FUT8: variants seen among roughly 807,000 people sequenced by gnomAD.
FUT8 encodes the protein fucosyltransferase 8, also known as alpha-(1,6)-fucosyltransferase.
FUT8 carries 29 observed loss-of-function variants against 71.3 expected under a neutral mutation model. The ratio of observed to expected loss-of-function variants is 0.41; its 90% CI spans 0.30 to 0.55. The LOEUF is 0.55. Ranked by LOEUF, FUT8 falls within the 20% of genes least tolerant of loss-of-function variation. FUT8 has a pLI of 0.34. For synonymous variants in FUT8, 254 were observed against 239.3 expected (o/e 1.06, Z -0.57); for missense variants, 544 against 702.1 (o/e 0.77, Z 2.55).
intron 6 of FUT8, among the ~76,000 whole-genome samples, chr14:65,647,343 A>G (rs1891167473): frequency 6.6e-6 from 1 of 152,200 alleles, no homozygotes; most frequent in South Asian, 2.1e-4. Context: ...CACTTTCTGT[A>G]TGCTTAGTAT....
chr14:65,522,694 G>A (rs1883164226), intron 2 of FUT8, among the ~76,000 whole-genome samples: 2 of 151,806 alleles, frequency 1.3e-5, no homozygotes, highest in Admixed American at 6.6e-5. Flanking sequence ...TTTATATTAG[G>A]TGTATCTCCT....
chr14:65,568,396 A>G lies in FUT8; in HGVS notation c.203+6630A>G, dbSNP rs539382285. ...TTATTGTATATCTGTTTTCTATTTTATTTTCTTTTATGTCCTGGAAAGCCT... is the reference window on the plus strand; with the variant it reads ...TTATTGTATATCTGTTTTCTATTTTGTTTTCTTTTATGTCCTGGAAAGCCT... On this transcript the variant is annotated intron_variant, in intron 3 of 10. Coordinates refer to ENST00000673929, the MANE Select transcript of FUT8 (RefSeq NM_001371533.1). Among the ~76,000 whole-genome samples the G allele has an allele frequency of 8.8e-5, 13 of 147,668 alleles. No individual in the cohort carries two copies. In the South Asian group the frequency reaches 2.4e-3, roughly 27 times the overall value.
At chr14:65,568,077 T>G (rs1177109197) in intron 3 of FUT8, among the ~76,000 whole-genome samples, 1 of 151,776 alleles carries the variant, frequency 6.6e-6, no homozygotes, top group South Asian at 2.1e-4. Flanking sequence ...AGATTTTAGA[T>G]TCTGGATTTC....
the FUT8 span, among the ~76,000 whole-genome samples, chr14:65,394,327 GA>G: frequency 6.6e-6 from 1 of 152,106 alleles, no homozygotes; most frequent in East Asian, 1.9e-4. Flanking sequence ...TAGTATGGGG[GA>G]AACCACCACT....
In FUT8 at chr14:65,627,358, A is replaced by C. The variant is rs1427026001; in HGVS notation, c.483-2134A>C. ...GGCCAGGGGAACATAAGGCAGAGTG[A>C]GAGATCAAGGCAAGTTTTAGAACAG... On this transcript the variant is annotated intron_variant, in intron 5 of 10. Transcript: ENST00000673929. This position sits in a 1 kb window ranked among gnomAD's most constrained non-coding sequence, Gnocchi z 4.0. Among the ~76,000 whole-genome samples the C allele has an allele frequency of 6.6e-6, 1 of 152,184 alleles. No homozygotes were observed. Among genetic ancestry groups the C allele is most frequent in the Non-Finnish European group, 1.5e-5 (1 of 68,018 alleles).
At chr14:65,376,087 T>C in the FUT8 span, among the ~76,000 whole-genome samples, 1 of 148,144 alleles carries the variant, frequency 6.8e-6, no homozygotes, top group African/African-American at 2.5e-5. Context: ...TGAGACCCTG[T>C]CTCAAAAAAA....
At chr14:65,516,861 A>G (rs1047638261) in intron 2 of FUT8, among the ~76,000 whole-genome samples, 2 of 151,758 alleles carry the variant, frequency 1.3e-5, no homozygotes, top group African/African-American at 4.8e-5. Context: ...TGCCCGTTAC[A>G]TAATAATTCC....
intron 6 of FUT8, among the ~76,000 whole-genome samples, chr14:65,644,124 T>G (rs1223679947): frequency 6.6e-6 from 1 of 152,048 alleles, no homozygotes; most frequent in African/African-American, 2.4e-5. Context: ...AAGCAAGAAT[T>G]AGGGAGTAGC....
chr14:65,722,885 C>A (rs1305273412), intron 8 of FUT8, among the ~76,000 whole-genome samples: 2 of 152,164 alleles, frequency 1.3e-5, no homozygotes, highest in African/African-American at 4.8e-5. Context: ...GGCCCATATA[C>A]TGTGACCTAA....
rs972344905 is a variant in FUT8, at chr14:65,574,611, A to G, written c.203+12845A>G. Among the ~76,000 whole-genome samples the G allele has an allele frequency of 1.3e-5, 2 of 152,150 alleles. No individual in the cohort carries two copies. Among genetic ancestry groups the G allele is most frequent in the African/African-American group, 2.4e-5 (1 of 41,442 alleles). On this transcript the variant is annotated intron_variant, in intron 3 of 10. Coordinates refer to ENST00000673929, the MANE Select transcript of FUT8 (RefSeq NM_001371533.1). This position sits in a 1 kb window ranked among gnomAD's most constrained non-coding sequence, Gnocchi z 5.2. ...CTGACTCTAGGTATTATAGAATAATATATTTTTAATTAAACATGAAAAGCT... is the reference window on the plus strand; with the variant it reads ...CTGACTCTAGGTATTATAGAATAATGTATTTTTAATTAAACATGAAAAGCT...
intron 3 of FUT8, among the ~76,000 whole-genome samples, chr14:65,589,935 T>C (rs898706844): frequency 1.8e-4 from 28 of 152,222 alleles, no homozygotes; most frequent in Non-Finnish European, 2.9e-4. Flanking sequence ...GGGGTATACA[T>C]TGGCATGATA....
intron 2 of FUT8, among the ~76,000 whole-genome samples, chr14:65,523,328 T>G (rs558393494): frequency 5.9e-5 from 9 of 152,376 alleles, no homozygotes; most frequent in Non-Finnish European, 1.2e-4. Context: ...TGGCCAGTGA[T>G]GATGAGCATT....
chr14:65,595,674 T>C (rs1887934239), intron 3 of FUT8, among the ~76,000 whole-genome samples: 1 of 138,216 alleles, frequency 7.2e-6, no homozygotes, highest in Non-Finnish European at 1.5e-5. Context: ...AGTGGTGGGA[T>C]CTCGGCTCAC....
At chr14:65,676,781 A>G (rs1036366180) in intron 7 of FUT8, among the ~76,000 whole-genome samples, 2 of 152,192 alleles carry the variant, frequency 1.3e-5, no homozygotes, top group Admixed American at 1.3e-4. Context: ...CATTTTGATA[A>G]CAGAGTCTTG....
At chr14:65,444,417 A>G (rs548318125) in intron 1 of FUT8, among the ~76,000 whole-genome samples, 3 of 152,344 alleles carry the variant, frequency 2.0e-5, no homozygotes, top group Admixed American at 2.0e-4. Context: ...TAAAGTTACC[A>G]TATGAGCTGG....
In FUT8 at chr14:65,616,437, C is replaced by T. The variant is rs577389232; in HGVS notation, c.482+64C>T. 6.7e-6 allele frequency: 9 copies of T among 1,352,950 alleles called. No individual in the cohort carries two copies. The South Asian group carries it at 1.2e-4, about 19-fold the overall frequency. The allele number at this position is 1,352,950 out of a possible 1,614,324, so 83.8% of individuals were successfully genotyped here. ...AAGATTATAATCTAAGAATGAGAAACAGACTTGTTAATCCATCTGTTGAGT... is the reference window on the plus strand; with the variant it reads ...AAGATTATAATCTAAGAATGAGAAATAGACTTGTTAATCCATCTGTTGAGT... On this transcript the variant is annotated intron_variant, in intron 5 of 10. Coordinates refer to ENST00000673929, the MANE Select transcript of FUT8 (RefSeq NM_001371533.1).
chr14:65,662,419 G>A (rs955085401), intron 6 of FUT8, among the ~76,000 whole-genome samples: 2 of 151,994 alleles, frequency 1.3e-5, no homozygotes, highest in Non-Finnish European at 2.9e-5. Context: ...AAAATAAAAA[G>A]GGACCTGAAT....
chr14:65,561,358 A>C lies in FUT8; in HGVS notation c.-206A>C. 1.7e-6 allele frequency: 1 copy of C among 578,022 alleles called. No individual in the cohort carries two copies. Among genetic ancestry groups the C allele is most frequent in the South Asian group, 2.2e-5 (1 of 45,222 alleles). 35.8% of individuals were successfully genotyped at this position (578,022 alleles called of 1,614,324 possible). A position where few individuals can be genotyped will look rare whatever the true frequency, so the allele number is the denominator to read the frequency against. On this transcript the variant is annotated 5_prime_UTR_variant, in exon 3 of 11. Transcript: ENST00000673929. ...ACAGCATGTAGAGCGCATGAAGTAC[A>C]GGACAATAAAGCTTCCTACACATAT...
chr14:65,549,777 C>A (rs1008034407), intron 2 of FUT8, among the ~76,000 whole-genome samples: 1 of 152,132 alleles, frequency 6.6e-6, no homozygotes, highest in Non-Finnish European at 1.5e-5. Flanking sequence ...TAGTATCTGA[C>A]AATAAGTCCT....
Sources: allele counts gnomAD v4.1 joint callset (sites outside exome capture counted in the v4.1 genomes callset), GRCh38; gene constraint gnomAD v4.1.1; non-coding constraint Gnocchi (gnomAD v3.1); transcripts MANE v1.5; gene names NCBI Gene and HGNC (gene_info 2026-07-23, HGNC 2026-07-21).